Variants in ABCB11 observed in about 807,000 individuals in gnomAD.
ABCB11 encodes bile salt export pump.
ABCB11 carries 95 observed loss-of-function variants against 148.0 expected under a neutral mutation model. That is an observed-to-expected ratio of 0.64 (90% confidence interval 0.54 to 0.76). The LOEUF is 0.76. Ranked by LOEUF, ABCB11 falls within the 30% of genes least tolerant of loss-of-function variation. The pLI, the probability that ABCB11 is intolerant of heterozygous loss-of-function variation, is 0.00. For missense variants in ABCB11, 1,523 were observed against 1,617.8 expected (o/e 0.94, Z 1.01); for synonymous variants, 591 against 555.4 (o/e 1.06, Z -0.90).
At chr2:168,980,793 T>C (rs563435493) in intron 10 of ABCB11, among the ~76,000 whole-genome samples, 1 of 152,230 alleles carries the variant, frequency 6.6e-6, no homozygotes, top group African/African-American at 2.4e-5. Flanking sequence ...CTCATTACCT[T>C]AGGGGAAGGC....
At chr2:168,937,137 T>C (rs537744730) in intron 21 of ABCB11, among the ~76,000 whole-genome samples, 1 of 152,302 alleles carries the variant, frequency 6.6e-6, no homozygotes, top group East Asian at 1.9e-4. Context: ...TCCTCCCACC[T>C]TGGCCTCCCA....
At chr2:168,941,383 G>A (rs1157212448) in intron 21 of ABCB11, among the ~76,000 whole-genome samples, 1 of 152,026 alleles carries the variant, frequency 6.6e-6, no homozygotes, top group Non-Finnish European at 1.5e-5. Context: ...GTGCTTGAAA[G>A]AAGTTGATTC....
intron 5 of ABCB11, among the ~76,000 whole-genome samples, chr2:169,004,148 A>G (rs1408740702): frequency 1.3e-5 from 2 of 152,146 alleles, no homozygotes; most frequent in African/African-American, 4.8e-5. Context: ...ATCTTTTTGC[A>G]ATGAATTTCC....
At chr2:169,017,832 A>AT (rs1170241440) in intron 2 of ABCB11, 1 of 712,974 alleles carries the variant, frequency 1.4e-6, no homozygotes, top group Non-Finnish European at 2.6e-6. Flanking sequence ...AGATGCTTTC[A>AT]TTTACACACA....
intron 3 of ABCB11, among the ~76,000 whole-genome samples, chr2:169,015,465 A>T (rs72888643): frequency 2.6e-5 from 4 of 152,170 alleles, no homozygotes; most frequent in Non-Finnish European, 4.4e-5. Flanking sequence ...CTAGTTCTCA[A>T]CACCCCACTT....
chr2:169,024,725 C>A (rs1695642525), intron 1 of ABCB11, among the ~76,000 whole-genome samples: 1 of 152,050 alleles, frequency 6.6e-6, no homozygotes, highest in Non-Finnish European at 1.5e-5. Context: ...GTTGTCATAT[C>A]TTGTTAAGCA....
At chr2:169,002,913 A>AT (rs1036688985) in intron 5 of ABCB11, among the ~76,000 whole-genome samples, 13 of 151,878 alleles carry the variant, frequency 8.6e-5, no homozygotes, top group African/African-American at 1.9e-4. Context: ...GTAGATTTTT[A>AT]TTTTTTTTGT....
intron 9 of ABCB11, among the ~76,000 whole-genome samples, 170 bp downstream of exon 9, chr2:168,990,631 T>C (rs546702763): frequency 3.3e-5 from 5 of 152,286 alleles, no homozygotes; most frequent in Admixed American, 1.3e-4. Flanking sequence ...GGACTTCTTA[T>C]AGTACCTAAA....
intron 21 of ABCB11, among the ~76,000 whole-genome samples, chr2:168,944,377 C>G (rs925898489): frequency 3.3e-5 from 5 of 151,962 alleles, no homozygotes; most frequent in Non-Finnish European, 5.9e-5. Flanking sequence ...AATCCAAAAC[C>G]CTGACAGATT....
chr2:169,020,838 A>C (rs2106064476), intron 1 of ABCB11, among the ~76,000 whole-genome samples: 1 of 152,270 alleles, frequency 6.6e-6, no homozygotes, highest in South Asian at 2.1e-4. Flanking sequence ...CAACTCTGTT[A>C]ATATATTGAA....
chr2:168,980,010 G>A (rs1385901288), intron 10 of ABCB11, 31 bp from the exon 11 acceptor site: 1 of 1,367,482 alleles, frequency 7.3e-7, no homozygotes. Context: ...TTTTTCATGT[G>A]TTTTTGTTAA....
chr2:169,000,408 T>C (rs2106023012), intron 5 of ABCB11, among the ~76,000 whole-genome samples: 1 of 152,278 alleles, frequency 6.6e-6, no homozygotes, highest in Non-Finnish European at 1.5e-5. Context: ...TTCCATATTT[T>C]TCTAAAAGTT....
intron 8 of ABCB11, among the ~76,000 whole-genome samples, chr2:168,991,997 C>T (rs374036058): frequency 1.3e-5 from 2 of 151,104 alleles, no homozygotes; most frequent in East Asian, 2.0e-4. Context: ...GCCACCATGC[C>T]TGGCTATTTA....
At position 168,973,829 on chromosome 2, in the gene ABCB11, G is replaced by A. The variant is rs2105968351; in HGVS notation, c.1320C>T (p.Asp440=). ...CCCCTGGTTTAATGACCATGTTGAGGTCATTTAGAATCTGGAGAAGAAAGA... is the reference window on the plus strand; with the variant it reads ...CCCCTGGTTTAATGACCATGTTGAGATCATTTAGAATCTGGAGAAGAAAGA... The part of the protein sequence containing the change: ...PSRPEVKILN[D]LNMVIKPGEM... Residue 440 remains aspartate, a synonymous_variant, in exon 13 of 28, where the codon GAC becomes GAT. Coordinates refer to ENST00000650372, the MANE Select transcript of ABCB11 (RefSeq NM_003742.4). 20 of 1,611,326 alleles carry A rather than the reference G, an allele frequency of 1.2e-5. No homozygotes were observed. Among genetic ancestry groups the A allele is most frequent in the Non-Finnish European group, 1.7e-5 (20 of 1,178,090 alleles).
intron 5 of ABCB11, among the ~76,000 whole-genome samples, chr2:168,997,449 C>T (rs1694751843): frequency 1.3e-5 from 2 of 152,004 alleles, no homozygotes; most frequent in African/African-American, 4.8e-5. Flanking sequence ...AGCAGCACTA[C>T]CATGTTGCTG....
chr2:168,925,096 A>G (rs1411189584), intron 26 of ABCB11, among the ~76,000 whole-genome samples: 1 of 152,200 alleles, frequency 6.6e-6, no homozygotes, highest in Non-Finnish European at 1.5e-5. Flanking sequence ...AAGAGCCCAT[A>G]TATGAGATCC....
intron 15 of ABCB11, among the ~76,000 whole-genome samples, 159 bp downstream of exon 15, chr2:168,969,886 T>C (rs563723317): frequency 1.9e-4 from 29 of 152,160 alleles, no homozygotes; most frequent in Non-Finnish European, 3.5e-4. Flanking sequence ...GTGAGGAAGA[T>C]TGTAGTCAGC....
chr2:169,020,375 C>T (rs1223154743), intron 1 of ABCB11, among the ~76,000 whole-genome samples: 1 of 151,360 alleles, frequency 6.6e-6, no homozygotes, highest in African/African-American at 2.4e-5. Context: ...GAAAAAGTAC[C>T]AGTAAAATCT....
rs1694292908 is a variant in ABCB11 at position 168,985,633 on chromosome 2, G to A, written c.1083+477C>T. ...CAGCAATAAAAGGAATGAATTAATG[G>A]CATTCACAGCAACCTGGATGGGATT... On this transcript the variant is annotated intron_variant, in intron 10 of 27. Transcript: ENST00000650372. Among the ~76,000 whole-genome samples, 3 of 152,144 alleles carry A rather than the reference G, an allele frequency of 2.0e-5. 1 individual carries two copies. Among genetic ancestry groups the A allele is most frequent in the African/African-American group, 7.2e-5 (3 of 41,498 alleles).
Sources: allele counts gnomAD v4.1 joint callset (sites outside exome capture counted in the v4.1 genomes callset), GRCh38; gene constraint gnomAD v4.1.1; transcripts MANE v1.5; gene names NCBI Gene and HGNC (gene_info 2026-07-23, HGNC 2026-07-21).